Variants in SMOC2 observed in about 807,000 individuals in gnomAD.
The protein encoded by SMOC2 is SPARC related modular calcium binding 2.
A neutral mutation model predicts 61.4 loss-of-function variants in SMOC2; 39 were observed. The observed-to-expected ratio is 0.64, with a 90% CI of 0.49 to 0.83. SMOC2 has a LOEUF of 0.83. Ranked by LOEUF, SMOC2 falls within the 40% of genes least tolerant of loss-of-function variation. The probability of loss-of-function intolerance (pLI) is 0.00; values close to 1 mark genes in which losing one functional copy is unlikely to be tolerated. For missense variants in SMOC2, 556 were observed against 592.9 expected (o/e 0.94, Z 0.65); for synonymous variants, 247 against 239.9 (o/e 1.03, Z -0.27).
At chr6:168,625,846 T>G (rs2880408) in intron 9 of SMOC2, among the ~76,000 whole-genome samples, 136,748 of 151,974 alleles carry the variant, frequency 0.9, 61,603 homozygotes, top group Middle Eastern at 0.97. Context: ...TGGGCCCAGA[T>G]TAAACAGACC....
At position 168,666,498 on chromosome 6, in the gene SMOC2, AAT is replaced by A; in HGVS notation, c.*61_*62del. The A allele has an allele frequency of 6.3e-7, 1 of 1,578,946 alleles. No individual in the cohort carries two copies. The highest frequency in any genetic ancestry group is 8.7e-7 in the Non-Finnish European group (1 of 1,150,710). On this transcript the variant is annotated 3_prime_UTR_variant, in exon 13 of 13. Coordinates refer to ENST00000356284, the MANE Select transcript of SMOC2 (RefSeq NM_001166412.2). ...TGGGAAATTTCCCTCACCAAAGAGC[AAT>A]TAAGAAAACAAAAACAGAAACACAT... is the stretch of plus-strand genomic sequence containing the variant.
rs1562410493 is a variant in SMOC2, at chr6:168,659,542, TTGGCTGGGTG to T, written c.1286-4531_1286-4522del. On this transcript the variant is annotated intron_variant, in intron 11 of 12. Transcript: ENST00000356284. ...GTAGGTTGGGTGAGGATGGAGGTTG[TTGGCTGGGTG>T]AGGATGGAGGTTGTAGGTTGAGTCA... Among the ~76,000 whole-genome samples the T allele has an allele frequency of 6.4e-3, 955 of 148,774 alleles. 2 individuals carry two copies. The highest frequency in any genetic ancestry group is 0.011 in the East Asian group (56 of 4,960).
At chr6:168,647,651 TG>T (rs1787074061) in intron 9 of SMOC2, among the ~76,000 whole-genome samples, 1 of 152,236 alleles carries the variant, frequency 6.6e-6, no homozygotes. Flanking sequence ...TTGCTAGATC[TG>T]GGACATCTCA....
chr6:168,493,642 T>G (rs994516231), intron 1 of SMOC2, among the ~76,000 whole-genome samples: 5 of 152,342 alleles, frequency 3.3e-5, no homozygotes, highest in Non-Finnish European at 4.4e-5. Flanking sequence ...CAACTTAAAA[T>G]TATATTAATT....
At chr6:168,656,507 T>TAAAAAAAAAAAAAAAAAAAAA (rs5881805) in intron 11 of SMOC2, among the ~76,000 whole-genome samples, 2 of 86,792 alleles carry the variant, frequency 2.3e-5, no homozygotes, top group Non-Finnish European at 2.2e-5. Flanking sequence ...GACTTTGTGT[T>TAAAAAAAAAAAAAAAAAAAAA]AAAAAAAAAA....
chr6:168,581,945 C>G (rs1423903411), intron 7 of SMOC2, among the ~76,000 whole-genome samples: 1 of 152,200 alleles, frequency 6.6e-6, no homozygotes, highest in East Asian at 1.9e-4. Flanking sequence ...TCTGACCCCC[C>G]TTTCCAAGGT....
rs542474371 is a variant in SMOC2 at position 168,459,123 on chromosome 6, T to G, written c.84+17669T>G. On this transcript the variant is annotated intron_variant, in intron 1 of 12. Coordinates refer to ENST00000356284, the MANE Select transcript of SMOC2 (RefSeq NM_001166412.2). ...GTTCCCATTTTGCAGATGAGGAACT[T>G]GAGACACAGATGGACGAGGTCATGT... Among the ~76,000 whole-genome samples the G allele has an allele frequency of 7.2e-4, 109 of 152,262 alleles. 1 individual carries two copies. The highest frequency in any genetic ancestry group is 1.5e-3 in the South Asian group (7 of 4,814).
chr6:168,548,994 A>G (rs1784069639), intron 6 of SMOC2, 135 bp from the exon 7 acceptor site: 2 of 675,768 alleles, frequency 3.0e-6, no homozygotes, highest in Non-Finnish European at 5.4e-6. Flanking sequence ...CAGTGTAACT[A>G]TTTCTTTACA....
chr6:168,522,169 A>C (rs1001366236), intron 2 of SMOC2, among the ~76,000 whole-genome samples: 1 of 152,206 alleles, frequency 6.6e-6, no homozygotes, highest in Non-Finnish European at 1.5e-5. Flanking sequence ...AAACCATTTC[A>C]TCCCAGTCAG....
chr6:168,667,691 C>T lies in SMOC2; in HGVS notation c.*1253C>T, dbSNP rs182220219. On this transcript the variant is annotated 3_prime_UTR_variant, in exon 13 of 13. Coordinates refer to ENST00000356284, the MANE Select transcript of SMOC2 (RefSeq NM_001166412.2). ...AGAGCAGGAACTTCAAGCTGTGATT[C>T]TATCTCGGCTCAGACTTTTGGTTGG... is the stretch of plus-strand genomic sequence containing the variant. The T allele has an allele frequency of 6.6e-6, 1 of 152,210 alleles. No individual in the cohort carries two copies. Among genetic ancestry groups the T allele is most frequent in the East Asian group, 1.9e-4 (1 of 5,178 alleles). The allele number at this position is 152,210 out of a possible 1,614,324, so 9.4% of individuals were successfully genotyped here. A position where few individuals can be genotyped will look rare whatever the true frequency, so the allele number is the denominator to read the frequency against.
At chr6:168,486,565 T>A (rs1432458203) in intron 1 of SMOC2, among the ~76,000 whole-genome samples, 1 of 151,406 alleles carries the variant, frequency 6.6e-6, no homozygotes, top group Non-Finnish European at 1.5e-5. Context: ...GGAAGAGCGC[T>A]GTTCTTTATC....
At chr6:168,500,286 C>CAA (rs72258550) in intron 1 of SMOC2, among the ~76,000 whole-genome samples, 14 of 99,228 alleles carry the variant, frequency 1.4e-4, no homozygotes, top group South Asian at 3.4e-4. Flanking sequence ...AACTCTGTCT[C>CAA]AAAAAAAAAA....
At chr6:168,643,146 C>T (rs12192392) in intron 9 of SMOC2, among the ~76,000 whole-genome samples, 39,762 of 152,118 alleles carry the variant, frequency 0.26, 5,546 homozygotes, top group South Asian at 0.37. Context: ...TTCCAAACTT[C>T]GCCTCACAGC....
At chr6:168,600,209 C>T (rs1408977446) in intron 8 of SMOC2, among the ~76,000 whole-genome samples, 1 of 152,000 alleles carries the variant, frequency 6.6e-6, no homozygotes, top group Non-Finnish European at 1.5e-5. Flanking sequence ...AGTTTGAGAC[C>T]AGCCTGGACA....
At chr6:168,582,731 C>T (rs1365496168) in intron 7 of SMOC2, among the ~76,000 whole-genome samples, 8 of 152,194 alleles carry the variant, frequency 5.3e-5, no homozygotes, top group East Asian at 1.9e-4. Flanking sequence ...GTGCGTCACG[C>T]GGTGTTTCCA....
intron 9 of SMOC2, among the ~76,000 whole-genome samples, chr6:168,632,347 A>C (rs1223666389): frequency 1.3e-5 from 2 of 152,250 alleles, no homozygotes; most frequent in Non-Finnish European, 2.9e-5. Context: ...CAACTTTGCT[A>C]TCTTTGACAA....
At chr6:168,456,666 C>T (rs1434871468) in intron 1 of SMOC2, among the ~76,000 whole-genome samples, 1 of 152,218 alleles carries the variant, frequency 6.6e-6, no homozygotes, top group Admixed American at 6.5e-5. Context: ...AAACGCGCCC[C>T]AGGTCAGGCT....
At chr6:168,506,823 G>A (rs917350844) in intron 1 of SMOC2, among the ~76,000 whole-genome samples, 2 of 152,202 alleles carry the variant, frequency 1.3e-5, no homozygotes, top group African/African-American at 4.8e-5. Flanking sequence ...TCTTGAATTA[G>A]TTTTAAGACT....
At chr6:168,518,719 TTA>T (rs1294276130) in intron 2 of SMOC2, among the ~76,000 whole-genome samples, 5 of 147,102 alleles carry the variant, frequency 3.4e-5, no homozygotes, top group African/African-American at 2.5e-5. Context: ...AGTGTTATGC[TTA>T]TGTGAGTGTG....
Sources: allele counts gnomAD v4.1 joint callset (sites outside exome capture counted in the v4.1 genomes callset), GRCh38; gene constraint gnomAD v4.1.1; transcripts MANE v1.5; gene names NCBI Gene and HGNC (gene_info 2026-07-23, HGNC 2026-07-21).